Variants in ATG7 observed in about 807,000 individuals in gnomAD.
ATG7 encodes the protein ubiquitin-like modifier-activating enzyme ATG7.
In ATG7, 70 loss-of-function variants were observed where a neutral mutation model predicts 82.4. The observed-to-expected ratio is 0.85, with a 90% confidence interval of 0.70 to 1.04. ATG7 has a LOEUF of 1.04. Among genes scored for constraint, ATG7 ranks in the 50% least tolerant of loss-of-function variants. ATG7 has a pLI of 0.00. For missense variants in ATG7, 792 were observed against 864.3 expected (o/e 0.92, Z 1.05); for synonymous variants, 287 against 313.0 (o/e 0.92, Z 0.88).
chr3:11,486,006 G>T (rs1352323312), intron 20 of ATG7, among the ~76,000 whole-genome samples: 3 of 152,172 alleles, frequency 2.0e-5, no homozygotes, highest in Admixed American at 6.5e-5. Flanking sequence ...TTTGGCTTAG[G>T]ATTGACTTGG....
At chr3:11,313,500 C>A in intron 8 of ATG7, 80 bp downstream of exon 8, 1 of 991,724 alleles carries the variant, frequency 1.0e-6, no homozygotes. Context: ...CAAAGACAAA[C>A]AGGCACTTCT....
intron 20 of ATG7, among the ~76,000 whole-genome samples, chr3:11,549,694 C>T (rs1383249289): frequency 3.9e-5 from 6 of 152,184 alleles, no homozygotes; most frequent in South Asian, 4.1e-4. Flanking sequence ...AAGACTGCTG[C>T]GGACATTCTG....
chr3:11,391,897 T>C (rs1449683692), intron 19 of ATG7, among the ~76,000 whole-genome samples: 1 of 145,584 alleles, frequency 6.9e-6, no homozygotes. Context: ...TCTACCATAT[T>C]AATCATCTCT....
chr3:11,495,909 C>G (rs2090790940), intron 20 of ATG7, among the ~76,000 whole-genome samples: 1 of 152,196 alleles, frequency 6.6e-6, no homozygotes, highest in Non-Finnish European at 1.5e-5. Flanking sequence ...GATGTTAACG[C>G]AGTTCATGTG....
intron 9 of ATG7, among the ~76,000 whole-genome samples, chr3:11,316,295 A>G (rs1375217317): frequency 6.6e-6 from 1 of 151,908 alleles, no homozygotes; most frequent in Non-Finnish European, 1.5e-5. Context: ...ATCTTCCATT[A>G]TTTTCCTCAT....
chr3:11,573,332 A>C, the ATG7 span, among the ~76,000 whole-genome samples: 60 of 61,440 alleles, frequency 9.8e-4, no homozygotes, highest in African/African-American at 2.6e-3. Context: ...AGAAAGAAAG[A>C]AAGAAAGAAA....
At chr3:11,402,787 C>G (rs1468481194) in intron 19 of ATG7, among the ~76,000 whole-genome samples, 1 of 152,094 alleles carries the variant, frequency 6.6e-6, no homozygotes, top group Non-Finnish European at 1.5e-5. Context: ...CATTTTTTAA[C>G]AATTTTTTTA....
chr3:11,498,673 A>G (rs912752465), intron 20 of ATG7, among the ~76,000 whole-genome samples: 1 of 152,202 alleles, frequency 6.6e-6, no homozygotes, highest in Non-Finnish European at 1.5e-5. Context: ...CACTGACTCC[A>G]GAAGAGGCTG....
At chr3:11,434,242 A>G (rs940967227) in intron 20 of ATG7, among the ~76,000 whole-genome samples, 1 of 152,172 alleles carries the variant, frequency 6.6e-6, no homozygotes, top group South Asian at 2.1e-4. Context: ...ATATTTATGT[A>G]CAGCTTCATC....
intron 19 of ATG7, among the ~76,000 whole-genome samples, chr3:11,402,330 G>A (rs1470868485): frequency 6.6e-6 from 1 of 152,218 alleles, no homozygotes; most frequent in East Asian, 1.9e-4. Flanking sequence ...CTACTCAGAA[G>A]GCTGAGGTGG....
chr3:11,445,840 A>G (rs143564021), intron 20 of ATG7, among the ~76,000 whole-genome samples: 120 of 152,280 alleles, frequency 7.9e-4, no homozygotes, highest in Non-Finnish European at 1.5e-3. Context: ...ATTTTTGCCA[A>G]TCTGTATAAC....
chr3:11,442,749 A>C (rs1156303956), intron 20 of ATG7, among the ~76,000 whole-genome samples: 14 of 141,544 alleles, frequency 9.9e-5, no homozygotes, highest in East Asian at 2.0e-4. Context: ...CAAAAAAAAA[A>C]AAAAAAAAAA....
downstream of ATG7, among the ~76,000 whole-genome samples, chr3:11,561,450 G>T (rs2072993004): frequency 1.3e-5 from 2 of 152,196 alleles, no homozygotes; most frequent in African/African-American, 4.8e-5. Flanking sequence ...CAGATGTGAA[G>T]ATGTTCAGTG....
intron 20 of ATG7, among the ~76,000 whole-genome samples, chr3:11,461,869 A>C (rs1019465444): frequency 4.6e-5 from 7 of 152,008 alleles, no homozygotes; most frequent in African/African-American, 1.7e-4. Context: ...TACTAAAAAT[A>C]CAAAAAAAAA....
rs1270867889 is a variant in ATG7 at position 11,401,088 on chromosome 3, T to C, written c.1956+21036T>C. 3.9e-5 allele frequency among the ~76,000 whole-genome samples: 6 copies of C among 152,208 alleles called. No homozygotes were observed. The East Asian group carries it at 1.2e-3, about 29-fold the overall frequency. ...CAAAGTGGTCCGAGCACCAGCAGCA[T>C]CAGTGCCATTTGGGAACTTGCTAGA... On this transcript the variant is annotated intron_variant, in intron 19 of 20. Coordinates refer to ENST00000693202, the MANE Select transcript of ATG7 (RefSeq NM_001349232.2).
chr3:11,335,873 A>G (rs892355850), intron 11 of ATG7, among the ~76,000 whole-genome samples: 2 of 151,772 alleles, frequency 1.3e-5, no homozygotes, highest in Non-Finnish European at 1.5e-5. Context: ...AAGTTTTTGT[A>G]TCTTTAGTAG....
At chr3:11,299,006 C>A in intron 4 of ATG7, 151 bp downstream of exon 4, 1 of 843,350 alleles carries the variant, frequency 1.2e-6, no homozygotes, top group Non-Finnish European at 1.8e-6. Flanking sequence ...CTTTTTGATC[C>A]CAGTTCATTT....
At chr3:11,444,986 C>T (rs2084380314) in intron 20 of ATG7, among the ~76,000 whole-genome samples, 1 of 152,148 alleles carries the variant, frequency 6.6e-6, no homozygotes, top group Non-Finnish European at 1.5e-5. Context: ...TAGAGAAATA[C>T]AAATCAAAAC....
intron 19 of ATG7, among the ~76,000 whole-genome samples, chr3:11,388,468 G>T (rs2078490529): frequency 1.4e-5 from 2 of 145,720 alleles, no homozygotes; most frequent in Admixed American, 7.0e-5. Context: ...TTGCTCTGTT[G>T]CTCAGGCTGG....
Sources: gnomAD v4.1 joint callset for allele counts (sites outside exome capture counted in the v4.1 genomes callset) on GRCh38, gnomAD v4.1.1 for gene constraint, MANE v1.5 for transcripts, NCBI Gene and HGNC (gene_info 2026-07-23, HGNC 2026-07-21) for gene names.